GABRB3: variants seen among roughly 807,000 people sequenced by gnomAD.
The protein encoded by GABRB3 is gamma-aminobutyric acid type A receptor subunit beta3.
A neutral mutation model predicts 52.1 loss-of-function variants in GABRB3; 14 were observed. That is an observed-to-expected ratio of 0.27 (90% CI 0.18 to 0.42). The LOEUF is 0.42. GABRB3 is among the 10% of genes least tolerant of loss of function. The probability of loss-of-function intolerance (pLI) is 1.00; values close to 1 mark genes in which losing one functional copy is unlikely to be tolerated. For missense variants in GABRB3, 307 were observed against 609.1 expected, an observed-to-expected ratio of 0.50 and a Z score of 5.22; for synonymous variants, 260 against 232.3, an observed-to-expected ratio of 1.12 and a Z score of -1.08.
chr15:26,582,055 CAT>C (rs1469426996), intron 5 of GABRB3, among the ~76,000 whole-genome samples: 1 of 152,168 alleles, frequency 6.6e-6, no homozygotes, highest in Non-Finnish European at 1.5e-5. Flanking sequence ...AATATGGAGA[CAT>C]GTGTAGTCAG....
chr15:26,756,421 T>C (rs568628125), intron 3 of GABRB3, among the ~76,000 whole-genome samples: 2 of 134,182 alleles, frequency 1.5e-5, no homozygotes, highest in East Asian at 2.2e-4. Flanking sequence ...AAAAAAAAAA[T>C]AGAAAAATTA....
chr15:26,560,312 T>C (rs1346081690), intron 8 of GABRB3, among the ~76,000 whole-genome samples: 2 of 152,228 alleles, frequency 1.3e-5, no homozygotes, highest in African/African-American at 4.8e-5. Context: ...TAGGCCCTGT[T>C]ACTCACTTCT....
intron 3 of GABRB3, among the ~76,000 whole-genome samples, chr15:26,709,734 G>C (rs950880021): frequency 6.6e-6 from 1 of 151,918 alleles, no homozygotes; most frequent in South Asian, 2.1e-4. Flanking sequence ...AGCCAGGATG[G>C]TCTCAATCTC....
chr15:26,706,435 G>GA (rs996445307), intron 3 of GABRB3, among the ~76,000 whole-genome samples: 8 of 139,434 alleles, frequency 5.7e-5, no homozygotes, highest in African/African-American at 2.0e-4. Context: ...ATCAAATTGA[G>GA]GGGTTTTTTT....
chr15:26,683,531 C>T (rs1442429368), intron 3 of GABRB3, among the ~76,000 whole-genome samples: 1 of 152,168 alleles, frequency 6.6e-6, no homozygotes, highest in African/African-American at 2.4e-5. Context: ...GAGATTGACA[C>T]CTTTCCATTG....
At chr15:26,588,091 G>C (rs1891062316) in intron 4 of GABRB3, among the ~76,000 whole-genome samples, 1 of 152,162 alleles carries the variant, frequency 6.6e-6, no homozygotes, top group Non-Finnish European at 1.5e-5. Context: ...TAGAGAAGCA[G>C]AGGAAGATAA....
intron 3 of GABRB3, among the ~76,000 whole-genome samples, chr15:26,700,619 T>C (rs1888897583): frequency 6.6e-6 from 1 of 152,274 alleles, no homozygotes; most frequent in Non-Finnish European, 1.5e-5. Context: ...ATAATATATC[T>C]TGACCAAGTT....
chr15:26,599,020 C>A (rs944302361), intron 4 of GABRB3, among the ~76,000 whole-genome samples: 2 of 152,194 alleles, frequency 1.3e-5, no homozygotes, highest in African/African-American at 4.8e-5. Context: ...CACCTCTGCA[C>A]ATTTTGGAGA....
At position 26,544,527 on chromosome 15, in the gene GABRB3, G is replaced by GT. The variant is rs1352551682; in HGVS notation, c.*3265dup. 6.6e-6 allele frequency: 1 copy of GT among 152,126 alleles called. No individual in the cohort carries two copies. The highest frequency in any genetic ancestry group is 6.5e-5 in the Admixed American group (1 of 15,278). The allele number at this position is 152,126 out of a possible 1,614,324, so 9.4% of individuals were successfully genotyped here. ...ATTATCATGACATACTTTCTAGTTC[G>GT]TTTGAGATTCAGGGGAAATGGATGT... is the stretch of plus-strand genomic sequence containing the variant. On this transcript the variant is annotated 3_prime_UTR_variant, in exon 9 of 9. Coordinates refer to ENST00000311550, the MANE Select transcript of GABRB3 (RefSeq NM_000814.6).
At chr15:26,587,381 C>T (rs1384306322) in intron 4 of GABRB3, among the ~76,000 whole-genome samples, 1 of 152,088 alleles carries the variant, frequency 6.6e-6, no homozygotes, top group Non-Finnish European at 1.5e-5. Context: ...CAAAAGGTAA[C>T]CATCAAGATA....
rs576843265 is a variant in GABRB3, at chr15:26,719,473, A to G, written c.240+52929T>C. Among the ~76,000 whole-genome samples the G allele has an allele frequency of 1.4e-4, 21 of 152,352 alleles. 1 individual carries two copies. The Middle Eastern group carries it at 0.02, about 148-fold the overall frequency. On this transcript the variant is annotated intron_variant, in intron 3 of 8. Transcript: ENST00000311550. ...TCAATCGTTCCTAAAATTATTATTC[A>G]AATTTTATTCACACTTTAATAGGCT... is the stretch of plus-strand genomic sequence containing the variant.
intron 3 of GABRB3, among the ~76,000 whole-genome samples, chr15:26,648,941 G>A (rs752449108): frequency 6.6e-6 from 1 of 152,106 alleles, no homozygotes; most frequent in Non-Finnish European, 1.5e-5. Flanking sequence ...AGAGTGGGTG[G>A]CAGGAGGAGC....
At position 26,574,746 on chromosome 15, in the gene GABRB3, AAG is replaced by A. The variant is rs1159860117; in HGVS notation, c.682+5571_682+5572del. Among the ~76,000 whole-genome samples the A allele has an allele frequency of 9.8e-5, 13 of 133,164 alleles. No homozygotes were observed. In the East Asian group the frequency reaches 2.9e-3, roughly 30 times the overall value. The allele number at this position is 133,164 out of a possible 152,430, so 87.4% of individuals were successfully genotyped here. A position where few individuals can be genotyped will look rare whatever the true frequency, so the allele number is the denominator to read the frequency against. On this transcript the variant is annotated intron_variant, in intron 6 of 8. Coordinates refer to ENST00000311550, the MANE Select transcript of GABRB3 (RefSeq NM_000814.6). ...GTTGTCTAGGGTTGGGAGAAATGGG[AAG>A]AGACTGCTAATGGATACAGGGCTTC...
chr15:26,594,003 T>TATATAA (rs1555369554), intron 4 of GABRB3, among the ~76,000 whole-genome samples: 9 of 138,194 alleles, frequency 6.5e-5, no homozygotes, highest in East Asian at 2.1e-4. Flanking sequence ...TATATATATA[T>TATATAA]AATAGCCATC....
chr15:26,717,124 C>T (rs1160109182), intron 3 of GABRB3, among the ~76,000 whole-genome samples: 2 of 139,184 alleles, frequency 1.4e-5, no homozygotes, highest in East Asian at 4.0e-4. Flanking sequence ...GACATCCGCC[C>T]AATGACAGCC....
chr15:26,700,692 A>G (rs1196003669), intron 3 of GABRB3, among the ~76,000 whole-genome samples: 1 of 152,210 alleles, frequency 6.6e-6, no homozygotes, highest in East Asian at 1.9e-4. Context: ...ACATACTAAG[A>G]AAAAAAATTG....
At chr15:26,714,580 TG>T (rs1285940113) in intron 3 of GABRB3, among the ~76,000 whole-genome samples, 3 of 152,056 alleles carry the variant, frequency 2.0e-5, no homozygotes, top group Non-Finnish European at 2.9e-5. Context: ...AAGAGACAAA[TG>T]GTCGAGTTAT....
intron 8 of GABRB3, among the ~76,000 whole-genome samples, chr15:26,558,766 G>A (rs554342137): frequency 4.0e-4 from 61 of 152,150 alleles, no homozygotes; most frequent in African/African-American, 1.1e-3. Context: ...AGCTGGGCGC[G>A]GTGGCAGGTG....
intron 3 of GABRB3, among the ~76,000 whole-genome samples, chr15:26,649,695 T>TGTGTGTGA (rs1277727985): frequency 6.7e-6 from 1 of 149,070 alleles, no homozygotes; most frequent in African/African-American, 2.5e-5. Context: ...TGTGTGTGTG[T>TGTGTGTGA]GAAATTAGAG....
Sources: allele counts gnomAD v4.1 joint callset (sites outside exome capture counted in the v4.1 genomes callset), GRCh38; gene constraint gnomAD v4.1.1; transcripts MANE v1.5; gene names NCBI Gene and HGNC (gene_info 2026-07-23, HGNC 2026-07-21).